The following TIAM1 variants were observed in gnomAD, a reference collection of about 807,000 sequenced individuals.
TIAM1 encodes the protein TIAM Rac1 associated GEF 1, also known as rho guanine nucleotide exchange factor TIAM1.
In TIAM1, 65 loss-of-function variants were observed where a neutral mutation model predicts 163.5. That is an observed-to-expected ratio of 0.40 (90% CI 0.33 to 0.49). TIAM1 has a LOEUF of 0.49. Ranked by LOEUF, TIAM1 falls within the 20% of genes least tolerant of loss-of-function variation. TIAM1 has a pLI of 0.77. For synonymous variants in TIAM1, 833 were observed against 810.1 expected, an observed-to-expected ratio of 1.03 and a Z score of -0.48; for missense variants, 1,789 against 2,044.7, an observed-to-expected ratio of 0.87 and a Z score of 2.41.
chr21:31,128,333 A>C (rs764348307), intron 25 of TIAM1, among the ~76,000 whole-genome samples: 3 of 152,210 alleles, frequency 2.0e-5, no homozygotes, highest in Non-Finnish European at 4.4e-5. Context: ...AACTAAAATA[A>C]GCTTTTATCT....
intron 6 of TIAM1, 49 bp downstream of exon 6, chr21:31,245,439 A>C (rs2071450528): frequency 1.6e-6 from 2 of 1,254,222 alleles, no homozygotes; most frequent in Non-Finnish European, 2.1e-6. Context: ...AAAAGAAGGT[A>C]GCCAGTTCAG....
chr21:31,181,166 A>G (rs1400485034), intron 15 of TIAM1, among the ~76,000 whole-genome samples: 1 of 152,224 alleles, frequency 6.6e-6, no homozygotes, highest in African/African-American at 2.4e-5. Context: ...AATGATAGTA[A>G]TCTATGCTGT....
chr21:31,462,658 G>A (rs2045369996), intron 2 of TIAM1, among the ~76,000 whole-genome samples: 1 of 152,006 alleles, frequency 6.6e-6, no homozygotes, highest in African/African-American at 2.4e-5. Flanking sequence ...TCCATCATGG[G>A]GTTTGTCCCC....
chr21:31,300,695 C>A (rs2074463741), intron 2 of TIAM1, among the ~76,000 whole-genome samples: 1 of 152,178 alleles, frequency 6.6e-6, no homozygotes, highest in African/African-American at 2.4e-5. Context: ...GACAGTTCAT[C>A]TTCTAAACGT....
chr21:31,479,659 C>T (rs1170926904), intron 1 of TIAM1, among the ~76,000 whole-genome samples: 4 of 152,078 alleles, frequency 2.6e-5, no homozygotes, highest in Non-Finnish European at 4.4e-5. Flanking sequence ...CTTTATTCAC[C>T]TTGGGAGCCA....
intron 2 of TIAM1, among the ~76,000 whole-genome samples, chr21:31,326,948 A>C (rs958007873): frequency 6.6e-6 from 1 of 152,240 alleles, no homozygotes; most frequent in Admixed American, 6.5e-5. Context: ...TAACAGGGTC[A>C]TATGCCAAAA....
intron 2 of TIAM1, among the ~76,000 whole-genome samples, chr21:31,299,411 A>G (rs1436137719): frequency 1.3e-5 from 2 of 152,214 alleles, no homozygotes; most frequent in African/African-American, 4.8e-5. Flanking sequence ...CACTAAACCT[A>G]TCAACTGTTA....
chr21:31,386,213 G>A (rs988728374), intron 2 of TIAM1, among the ~76,000 whole-genome samples: 1 of 152,008 alleles, frequency 6.6e-6, no homozygotes, highest in Non-Finnish European at 1.5e-5. Context: ...CCCTGGGCCC[G>A]CAGCCCTGGC....
rs570868933 is a variant in TIAM1 at position 31,164,251 on chromosome 21, G to A, written c.2991+711C>T. ...TAAAAATACAAAAAATTAGCAGGGC[G>A]TGGTGGCGGGTGCCTGTAGTCCTAG... On this transcript the variant is annotated intron_variant, in intron 16 of 27. Transcript: ENST00000541036. 7.9e-5 allele frequency among the ~76,000 whole-genome samples: 12 copies of A among 152,248 alleles called. No homozygotes were observed. The East Asian group carries it at 1.4e-3, about 17-fold the overall frequency.
chr21:31,168,541 C>A (rs2084352603), intron 15 of TIAM1, among the ~76,000 whole-genome samples: 1 of 152,206 alleles, frequency 6.6e-6, no homozygotes, highest in Non-Finnish European at 1.5e-5. Context: ...GCTGGTACTA[C>A]AGGCGCCTGC....
At chr21:31,334,655 C>A (rs1254318220) in intron 2 of TIAM1, among the ~76,000 whole-genome samples, 1 of 152,104 alleles carries the variant, frequency 6.6e-6, no homozygotes, top group Non-Finnish European at 1.5e-5. Context: ...GCAGCCCATC[C>A]CTCCCTTCAC....
At chr21:31,132,692 C>T (rs2082461519) in intron 23 of TIAM1, among the ~76,000 whole-genome samples, 5 of 152,064 alleles carry the variant, frequency 3.3e-5, no homozygotes, top group Admixed American at 2.0e-4. Context: ...AGCCTGGCAC[C>T]GGGACCTCAG....
chr21:31,246,185 A>T (rs1163395048), intron 5 of TIAM1, among the ~76,000 whole-genome samples: 2 of 152,202 alleles, frequency 1.3e-5, no homozygotes, highest in African/African-American at 4.8e-5. Context: ...TAAGAAAAAC[A>T]ATGATACATT....
At chr21:31,302,347 C>T (rs538825388) in intron 2 of TIAM1, among the ~76,000 whole-genome samples, 2 of 152,270 alleles carry the variant, frequency 1.3e-5, no homozygotes, top group Admixed American at 6.5e-5. Flanking sequence ...AATGTTTTCA[C>T]ATTGTTTTGT....
At chr21:31,186,391 C>G (rs979164800) in intron 14 of TIAM1, among the ~76,000 whole-genome samples, 9 of 152,148 alleles carry the variant, frequency 5.9e-5, no homozygotes, top group African/African-American at 2.2e-4. Flanking sequence ...CCCCCATGCT[C>G]TGCTCCAGGA....
rs568075751 is a variant in TIAM1, at chr21:31,297,957, A to C, written c.-188-21049T>G. 2.6e-5 allele frequency among the ~76,000 whole-genome samples: 4 copies of C among 152,332 alleles called. No homozygotes were observed. The South Asian group carries it at 8.3e-4, about 32-fold the overall frequency. The stretch of plus-strand genomic sequence containing the variant: ...TATATTATGGCAATAAAAACATTAG[A>C]GGGTGTAATAATAACTGCTATTTGC... On this transcript the variant is annotated intron_variant, in intron 2 of 27. Coordinates refer to ENST00000541036, the MANE Select transcript of TIAM1 (RefSeq NM_001353694.2).
chr21:31,293,304 T>C (rs1455048468), intron 2 of TIAM1, among the ~76,000 whole-genome samples: 1 of 152,176 alleles, frequency 6.6e-6, no homozygotes, highest in Non-Finnish European at 1.5e-5. Flanking sequence ...TTTGACTGAT[T>C]GGATGAGGCC....
chr21:31,251,412 T>C (rs943046916), intron 5 of TIAM1, among the ~76,000 whole-genome samples: 2 of 152,168 alleles, frequency 1.3e-5, no homozygotes, highest in Non-Finnish European at 2.9e-5. Flanking sequence ...CAGGCTGGTC[T>C]TGAACTCCTG....
Position 31,252,020 on chromosome 21 carries a change from G to A in TIAM1, c.1133C>T (p.Ala378Val). ...GTTCTCGTACACCCCCTGACGAGCCGCATCCCCGGTGGAGCTGCTGCCGCT... is the reference window on the plus strand; with the variant it reads ...GTTCTCGTACACCCCCTGACGAGCCACATCCCCGGTGGAGCTGCTGCCGCT... ...SDSGSSSTGD[A>V]ARQGVYENFR... The change falls in exon 5 of 28, where the codon GCG (alanine) becomes GTG (valine). Residue 378 changes from alanine to valine, a missense_variant. Physicochemically the swap from Ala to Val is moderately conservative, Grantham distance 64. Coordinates refer to ENST00000541036, the MANE Select transcript of TIAM1 (RefSeq NM_001353694.2). 1 of 1,614,000 alleles carries A rather than the reference G, an allele frequency of 6.2e-7. No individual in the cohort carries two copies. The highest frequency in any genetic ancestry group is 8.5e-7 in the Non-Finnish European group (1 of 1,180,006).
Sources: allele counts gnomAD v4.1 joint callset (sites outside exome capture counted in the v4.1 genomes callset), GRCh38; gene constraint gnomAD v4.1.1; transcripts MANE v1.5; gene names NCBI Gene and HGNC (gene_info 2026-07-23, HGNC 2026-07-21).